The following RSRC1 variants were observed in gnomAD, a reference collection of about 807,000 sequenced individuals.
RSRC1 encodes the protein serine/Arginine-related protein 53.
Under a neutral mutation model 49.1 loss-of-function variants are expected in RSRC1, and 39 were observed. The ratio of observed to expected loss-of-function variants is 0.79; its 90% CI spans 0.61 to 1.04. The LOEUF is 1.04. Among genes scored for constraint, RSRC1 ranks in the 50% least tolerant of loss-of-function variants. The probability of loss-of-function intolerance (pLI) is 0.00; values close to 1 mark genes in which losing one functional copy is unlikely to be tolerated. For synonymous variants in RSRC1, 143 were observed against 130.8 expected (o/e 1.09, Z -0.63); for missense variants, 388 against 402.4 (o/e 0.96, Z 0.31).
chr3:158,461,997 G>GAAAAAAAAAAAA (rs3086337), intron 7 of RSRC1, among the ~76,000 whole-genome samples: 1 of 119,142 alleles, frequency 8.4e-6, no homozygotes, highest in Non-Finnish European at 1.8e-5. Context: ...AAAACCAAGC[G>GAAAAAAAAAAAA]AAAAAAAAAA....
At chr3:158,142,885 C>T (rs1456992063) in intron 3 of RSRC1, among the ~76,000 whole-genome samples, 2 of 152,146 alleles carry the variant, frequency 1.3e-5, no homozygotes, top group Non-Finnish European at 2.9e-5. Flanking sequence ...GTAGGCTTCC[C>T]TTAAGACAGC....
intron 7 of RSRC1, among the ~76,000 whole-genome samples, chr3:158,534,350 C>A (rs898749762): frequency 2.0e-5 from 3 of 151,634 alleles, no homozygotes; most frequent in African/African-American, 7.3e-5. Flanking sequence ...TTAAACCTTT[C>A]AAGGATAAAG....
At chr3:158,470,648 G>A (rs1175469209) in intron 7 of RSRC1, among the ~76,000 whole-genome samples, 1 of 152,012 alleles carries the variant, frequency 6.6e-6, no homozygotes, top group African/African-American at 2.4e-5. Flanking sequence ...AACCTTGATT[G>A]TTTGTGCAAA....
intron 4 of RSRC1, among the ~76,000 whole-genome samples, chr3:158,218,156 C>CT (rs1722054312): frequency 2.0e-5 from 3 of 151,612 alleles, no homozygotes; most frequent in Admixed American, 1.3e-4. Context: ...ATTTTGGTCT[C>CT]TATCTTAAGG....
At chr3:158,241,225 A>G (rs1723557829) in intron 4 of RSRC1, among the ~76,000 whole-genome samples, 2 of 152,120 alleles carry the variant, frequency 1.3e-5, no homozygotes, top group Non-Finnish European at 1.5e-5. Context: ...AGGTGGGTGG[A>G]TCACTTGAGA....
intron 6 of RSRC1, among the ~76,000 whole-genome samples, chr3:158,397,309 G>T: frequency 6.6e-6 from 1 of 152,120 alleles, no homozygotes; most frequent in Admixed American, 6.6e-5. Context: ...TTGTGTCTTG[G>T]CTTCTAGCCA....
intron 3 of RSRC1, among the ~76,000 whole-genome samples, chr3:158,182,648 CT>C: frequency 6.6e-6 from 1 of 152,080 alleles, no homozygotes; most frequent in Non-Finnish European, 1.5e-5. Flanking sequence ...GTGTTGAAAT[CT>C]TTTTTCTTTT....
intron 1 of RSRC1, among the ~76,000 whole-genome samples, chr3:158,118,456 T>C (rs1376795841): frequency 3.8e-5 from 5 of 132,262 alleles, no homozygotes; most frequent in African/African-American, 1.2e-4. Flanking sequence ...TGTGTGTGTG[T>C]GTGTGTGCGC....
At chr3:158,317,330 G>A (rs1728519407) in intron 5 of RSRC1, among the ~76,000 whole-genome samples, 1 of 152,102 alleles carries the variant, frequency 6.6e-6, no homozygotes, top group South Asian at 2.1e-4. Flanking sequence ...GTGGGCTCAA[G>A]CGATCCTCCT....
At chr3:158,494,089 G>A (rs963685262) in intron 7 of RSRC1, among the ~76,000 whole-genome samples, 8 of 152,114 alleles carry the variant, frequency 5.3e-5, no homozygotes, top group Non-Finnish European at 1.2e-4. Flanking sequence ...GTCACATGCT[G>A]CTTATTGACA....
intron 7 of RSRC1, among the ~76,000 whole-genome samples, chr3:158,505,773 GA>G (rs1454465404): frequency 6.6e-6 from 1 of 151,852 alleles, no homozygotes; most frequent in East Asian, 1.9e-4. Context: ...TTAGATAGAT[GA>G]AAGGGAGAAA....
chr3:158,397,114 T>A (rs964366518), intron 6 of RSRC1, among the ~76,000 whole-genome samples: 2 of 152,220 alleles, frequency 1.3e-5, no homozygotes, highest in South Asian at 4.1e-4. Context: ...AAATTCTCTT[T>A]GAATTGATTT....
intron 5 of RSRC1, chr3:158,302,682 A>G (rs1231382910): frequency 5.9e-4 from 10 of 17,072 alleles, no homozygotes; most frequent in African/African-American, 3.1e-3. Flanking sequence ...TTTTTTTGAG[A>G]TGGGAGTCTT....
intron 7 of RSRC1, among the ~76,000 whole-genome samples, chr3:158,511,700 T>C (rs1740188217): frequency 6.6e-6 from 1 of 152,262 alleles, no homozygotes; most frequent in Non-Finnish European, 1.5e-5. Context: ...ATCACCACAC[T>C]GACTTCCACC....
At chr3:158,229,750 C>A (rs186499548) in intron 4 of RSRC1, among the ~76,000 whole-genome samples, 49 of 142,792 alleles carry the variant, frequency 3.4e-4, no homozygotes, top group African/African-American at 1.3e-3. Context: ...ACATTTTGCC[C>A]CATTTGCTTT....
chr3:158,180,570 C>A (rs1371313658), intron 3 of RSRC1, among the ~76,000 whole-genome samples: 2 of 151,128 alleles, frequency 1.3e-5, no homozygotes, highest in Non-Finnish European at 2.9e-5. Context: ...TCAGGTGATC[C>A]TCCAGCCTCA....
intron 4 of RSRC1, among the ~76,000 whole-genome samples, chr3:158,269,503 A>AT (rs1725385795): frequency 6.6e-6 from 1 of 151,786 alleles, no homozygotes; most frequent in African/African-American, 2.4e-5. Flanking sequence ...TGCTTTTAGT[A>AT]TTTTCAGAAA....
At chr3:158,250,833 T>A (rs1015359653) in intron 4 of RSRC1, among the ~76,000 whole-genome samples, 15 of 152,210 alleles carry the variant, frequency 9.9e-5, no homozygotes, top group African/African-American at 3.4e-4. Context: ...AGAAGCTTTT[T>A]AACTTGATGT....
intron 4 of RSRC1, among the ~76,000 whole-genome samples, chr3:158,287,593 C>T (rs1434733541): frequency 1.3e-5 from 2 of 152,040 alleles, no homozygotes; most frequent in Non-Finnish European, 2.9e-5. Context: ...GCTTATTGTT[C>T]ATCTGTATGC....
Sources: allele counts gnomAD v4.1 joint callset (sites outside exome capture counted in the v4.1 genomes callset), GRCh38; gene constraint gnomAD v4.1.1; transcripts MANE v1.5; gene names NCBI Gene and HGNC (gene_info 2026-07-23, HGNC 2026-07-21).